TOM1L2: variants seen among roughly 807,000 people sequenced by gnomAD.
The protein encoded by TOM1L2 is target of myb1 like 2 membrane trafficking protein.
Under a neutral mutation model 67.9 loss-of-function variants are expected in TOM1L2, and 31 were observed. The observed-to-expected ratio is 0.46, with a 90% confidence interval of 0.34 to 0.62. The LOEUF (loss-of-function observed/expected upper bound fraction) is 0.62, where lower values mean the gene tolerates loss of function less well. Ranked by LOEUF, TOM1L2 falls within the 20% of genes least tolerant of loss-of-function variation. The pLI, the probability that TOM1L2 is intolerant of heterozygous loss-of-function variation, is 0.01. For missense variants in TOM1L2, 606 were observed against 663.5 expected (o/e 0.91, Z 0.95); for synonymous variants, 256 against 254.0 (o/e 1.01, Z -0.07).
Position 17,972,317 on chromosome 17 carries a change from G to A in TOM1L2, c.-4C>T, listed in dbSNP as rs775292981. The A allele has an allele frequency of 1.3e-6, 2 of 1,551,064 alleles. No individual in the cohort carries two copies. Among genetic ancestry groups the A allele is most frequent in the Admixed American group, 2.0e-5 (1 of 51,204 alleles). ...GGTTCCCCAGGAGGAACTCCATCTT[G>A]GGTGGACAACACGCAGCGGCCCGGG... On this transcript the variant is annotated 5_prime_UTR_variant, in exon 1 of 15. Transcript: ENST00000379504.
At chr17:17,880,433 C>T (rs751630579) in intron 6 of TOM1L2, among the ~76,000 whole-genome samples, 6 of 152,246 alleles carry the variant, frequency 3.9e-5, no homozygotes, top group Non-Finnish European at 7.3e-5. Flanking sequence ...GCAACAGAGA[C>T]ATCATACACT....
intron 1 of TOM1L2, among the ~76,000 whole-genome samples, chr17:17,928,206 C>G (rs1475885933): frequency 1.3e-5 from 2 of 151,834 alleles, no homozygotes; most frequent in East Asian, 3.9e-4. Context: ...TAACTTTGAC[C>G]CGGCAATAGC....
rs2037053513 is a variant in TOM1L2 at position 17,869,694 on chromosome 17, GACAT to G, written c.778-225_778-222del. The G allele has an allele frequency of 1.5e-5, 20 of 1,363,994 alleles. No homozygotes were observed. In the South Asian group the frequency reaches 3.5e-4, roughly 24 times the overall value. 84.5% of individuals were successfully genotyped at this position (1,363,994 alleles called of 1,614,324 possible). ...TACTTTTTCAGCAGACAAATGTCCA[GACAT>G]ACTGTTGTATGTATACAAGTACATG... On this transcript the variant is annotated intron_variant, in intron 7 of 14. Transcript: ENST00000379504.
intron 5 of TOM1L2, 125 bp downstream of exon 5, chr17:17,884,509 C>A: frequency 7.3e-7 from 1 of 1,368,288 alleles, no homozygotes. Context: ...GGAATGCCCC[C>A]GAGCTTTAAG....
intron 1 of TOM1L2, among the ~76,000 whole-genome samples, chr17:17,947,154 G>A (rs1462201246): frequency 5.3e-5 from 8 of 152,140 alleles, no homozygotes; most frequent in African/African-American, 1.9e-4. Flanking sequence ...CACTAGAACT[G>A]GGATTTAAAT....
intron 12 of TOM1L2, chr17:17,851,179 G>A (rs1012085835): frequency 3.2e-5 from 18 of 558,606 alleles, no homozygotes; most frequent in Admixed American, 6.2e-5. Flanking sequence ...GCAGGCTCCC[G>A]GCAGGGCCGG....
chr17:17,882,455 G>A (rs74528549), intron 6 of TOM1L2, among the ~76,000 whole-genome samples: 5,974 of 152,196 alleles, frequency 0.039, 315 homozygotes, highest in East Asian at 0.27. Flanking sequence ...TCAGGTCCCC[G>A]GTGCCTCCCA....
chr17:17,938,470 T>C (rs2040594923), intron 1 of TOM1L2, among the ~76,000 whole-genome samples: 3 of 152,080 alleles, frequency 2.0e-5, no homozygotes, highest in African/African-American at 7.2e-5. Flanking sequence ...ATGTTCTATA[T>C]AATAAATGAC....
At chr17:17,956,304 C>A (rs1375680899) in intron 1 of TOM1L2, among the ~76,000 whole-genome samples, 2 of 152,218 alleles carry the variant, frequency 1.3e-5, no homozygotes, top group Non-Finnish European at 2.9e-5. Flanking sequence ...TAACTAGATA[C>A]AGAGTGCTGA....
At chr17:17,898,751 A>G (rs1284988084) in intron 2 of TOM1L2, 77 bp from the exon 3 acceptor site, 1 of 1,432,908 alleles carries the variant, frequency 7.0e-7, no homozygotes, top group Admixed American at 1.7e-5. Flanking sequence ...GTGAACTAGT[A>G]TATATGCAAG....
intron 2 of TOM1L2, among the ~76,000 whole-genome samples, chr17:17,900,558 A>T (rs1334592182): frequency 6.6e-6 from 1 of 151,926 alleles, no homozygotes; most frequent in Admixed American, 6.6e-5. Context: ...GAAAGAAAAA[A>T]AGTTTAAGGA....
At chr17:17,857,485 G>A (rs753104834) in intron 12 of TOM1L2, among the ~76,000 whole-genome samples, 2 of 152,068 alleles carry the variant, frequency 1.3e-5, no homozygotes, top group African/African-American at 2.4e-5. Context: ...TCGGAGCTCC[G>A]GAGACAGTAA....
chr17:17,970,233 T>C (rs2042016713), intron 1 of TOM1L2, among the ~76,000 whole-genome samples: 1 of 152,108 alleles, frequency 6.6e-6, no homozygotes, highest in African/African-American at 2.4e-5. Flanking sequence ...TTTCTTTTTT[T>C]TTTTGGATTT....
chr17:17,865,247 T>G (rs2036781896), intron 10 of TOM1L2, among the ~76,000 whole-genome samples: 1 of 152,222 alleles, frequency 6.6e-6, no homozygotes, highest in African/African-American at 2.4e-5. Flanking sequence ...ACCTCCTGTT[T>G]CCAAGCCCTC....
At chr17:17,960,611 T>C (rs2041639960) in intron 1 of TOM1L2, among the ~76,000 whole-genome samples, 1 of 152,188 alleles carries the variant, frequency 6.6e-6, no homozygotes, top group African/African-American at 2.4e-5. Context: ...ATACTAGTAT[T>C]ACAGGCATGA....
intron 1 of TOM1L2, among the ~76,000 whole-genome samples, chr17:17,935,943 C>A (rs1441634459): frequency 6.6e-6 from 1 of 152,216 alleles, no homozygotes; most frequent in Non-Finnish European, 1.5e-5. Flanking sequence ...GAAGGGAGGT[C>A]TTCCCCTCCT....
chr17:17,874,985 G>T (rs2037349824), intron 7 of TOM1L2, among the ~76,000 whole-genome samples: 1 of 152,134 alleles, frequency 6.6e-6, no homozygotes, highest in Non-Finnish European at 1.5e-5. Flanking sequence ...GGCCATGCGT[G>T]GTGGCTCACA....
chr17:17,858,443 G>A (rs1438846255), intron 12 of TOM1L2: 1 of 152,444 alleles, frequency 6.6e-6, no homozygotes, highest in Non-Finnish European at 1.5e-5. Flanking sequence ...TTGAGATGGA[G>A]TCTTGCTCTG....
intron 1 of TOM1L2, among the ~76,000 whole-genome samples, chr17:17,926,176 G>GA (rs57599370): frequency 0.027 from 2,801 of 102,988 alleles, 90 homozygotes; most frequent in African/African-American, 0.08. Context: ...GTCTCTTGGA[G>GA]AAAAAAAAAA....
Sources: gnomAD v4.1 joint callset for allele counts (sites outside exome capture counted in the v4.1 genomes callset) on GRCh38, gnomAD v4.1.1 for gene constraint, MANE v1.5 for transcripts, NCBI Gene and HGNC (gene_info 2026-07-23, HGNC 2026-07-21) for gene names.